The following CNTNAP5 variants were observed in gnomAD, a reference collection of about 807,000 sequenced individuals.
CNTNAP5 encodes the protein contactin associated protein family member 5.
CNTNAP5 carries 72 observed loss-of-function variants against 150.2 expected under a neutral mutation model. That is an observed-to-expected ratio of 0.48 (90% CI 0.40 to 0.58). The LOEUF (loss-of-function observed/expected upper bound fraction) is 0.58, where lower values mean the gene tolerates loss of function less well. Ranked by LOEUF, CNTNAP5 falls within the 20% of genes least tolerant of loss-of-function variation. CNTNAP5 has a pLI of 0.00. For synonymous variants in CNTNAP5, 672 were observed against 619.8 expected (o/e 1.08, Z -1.25); for missense variants, 1,636 against 1,626.2 (o/e 1.01, Z -0.10).
At chr2:124,283,994 G>A (rs1028002369) in intron 3 of CNTNAP5, among the ~76,000 whole-genome samples, 1 of 152,144 alleles carries the variant, frequency 6.6e-6, no homozygotes, top group African/African-American at 2.4e-5. Context: ...GACCATAGCA[G>A]GGGCTTTTCC....
At chr2:124,154,575 C>A (rs1227136934) in intron 1 of CNTNAP5, among the ~76,000 whole-genome samples, 1 of 152,120 alleles carries the variant, frequency 6.6e-6, no homozygotes, top group Non-Finnish European at 1.5e-5. Flanking sequence ...ACATGATGGA[C>A]AAAGAGACCT....
intron 12 of CNTNAP5, among the ~76,000 whole-genome samples, chr2:124,638,811 A>G (rs1242401830): frequency 6.6e-6 from 1 of 152,236 alleles, no homozygotes; most frequent in Non-Finnish European, 1.5e-5. Flanking sequence ...TCACTTTACA[A>G]TATACAGTGG....
At chr2:124,672,649 A>G (rs905213098) in intron 13 of CNTNAP5, among the ~76,000 whole-genome samples, 1 of 152,148 alleles carries the variant, frequency 6.6e-6, no homozygotes, top group Non-Finnish European at 1.5e-5. Flanking sequence ...ACTTTATAAA[A>G]CTGAAATTTA....
intron 19 of CNTNAP5, among the ~76,000 whole-genome samples, 158 bp downstream of exon 19, chr2:124,798,478 A>G (rs1208192681): frequency 6.6e-6 from 1 of 152,160 alleles, no homozygotes; most frequent in Non-Finnish European, 1.5e-5. Flanking sequence ...CTTTACCTTT[A>G]TGAGATGCAA....
At chr2:124,361,185 T>C (rs1259391115) in intron 3 of CNTNAP5, among the ~76,000 whole-genome samples, 1 of 147,310 alleles carries the variant, frequency 6.8e-6, no homozygotes, top group Non-Finnish European at 1.5e-5. Flanking sequence ...CTTCTCTGTA[T>C]TGGTTATTCT....
chr2:124,808,547 C>T (rs1255052134), intron 19 of CNTNAP5, among the ~76,000 whole-genome samples: 3 of 148,652 alleles, frequency 2.0e-5, no homozygotes, highest in Non-Finnish European at 3.0e-5. Context: ...AAGATTGCAC[C>T]AGGGCACTCC....
chr2:124,555,383 CTA>C (rs1405858080), intron 10 of CNTNAP5, among the ~76,000 whole-genome samples: 1 of 152,174 alleles, frequency 6.6e-6, no homozygotes, highest in Non-Finnish European at 1.5e-5. Flanking sequence ...ACTTTGGCCT[CTA>C]TGCGTGGAAG....
intron 23 of CNTNAP5, 94 bp downstream of exon 23, chr2:124,911,632 A>G: frequency 1.1e-6 from 1 of 921,218 alleles, no homozygotes; most frequent in East Asian, 2.7e-5. Flanking sequence ...ATGGCCATCC[A>G]GCACTCAGAG....
intron 1 of CNTNAP5, among the ~76,000 whole-genome samples, chr2:124,073,482 A>C (rs1010941680): frequency 6.6e-6 from 1 of 152,160 alleles, no homozygotes; most frequent in Non-Finnish European, 1.5e-5. Flanking sequence ...ATTAATAACC[A>C]GTACATATAA....
At chr2:124,786,090 T>C (rs1681561077) in intron 17 of CNTNAP5, among the ~76,000 whole-genome samples, 1 of 151,620 alleles carries the variant, frequency 6.6e-6, no homozygotes, top group African/African-American at 2.4e-5. Flanking sequence ...AATAAACAAA[T>C]AATAAAAATA....
At chr2:124,543,232 A>G (rs1695430707) in intron 10 of CNTNAP5, among the ~76,000 whole-genome samples, 1 of 152,188 alleles carries the variant, frequency 6.6e-6, no homozygotes. Flanking sequence ...ATAGCAATGT[A>G]TTTGAGCAAT....
intron 12 of CNTNAP5, among the ~76,000 whole-genome samples, chr2:124,632,836 A>G (rs1677892573): frequency 6.6e-6 from 1 of 152,134 alleles, no homozygotes; most frequent in South Asian, 2.1e-4. Context: ...GGGAGGCCTC[A>G]GAAAAGTTTC....
At chr2:124,335,527 A>G (rs527888268) in intron 3 of CNTNAP5, among the ~76,000 whole-genome samples, 1 of 151,048 alleles carries the variant, frequency 6.6e-6, no homozygotes, top group Non-Finnish European at 1.5e-5. Context: ...AAAGACAGGG[A>G]CAGAGCAAAA....
chr2:124,549,425 T>G (rs934930966), intron 10 of CNTNAP5, among the ~76,000 whole-genome samples: 2 of 152,204 alleles, frequency 1.3e-5, no homozygotes, highest in African/African-American at 4.8e-5. Flanking sequence ...TCAAATAAAA[T>G]TTTAGTTCTA....
intron 13 of CNTNAP5, among the ~76,000 whole-genome samples, chr2:124,663,788 G>A (rs1160368464): frequency 1.3e-5 from 2 of 152,108 alleles, no homozygotes; most frequent in African/African-American, 4.8e-5. Context: ...AAAAACAAGA[G>A]TCCATGATAA....
At chr2:124,430,985 G>A (rs945871780) in intron 4 of CNTNAP5, among the ~76,000 whole-genome samples, 7 of 152,122 alleles carry the variant, frequency 4.6e-5, no homozygotes, top group Non-Finnish European at 8.8e-5. Context: ...TTTGAAGGTA[G>A]GTTCCTATAA....
chr2:124,345,064 G>A (rs1184030461), intron 3 of CNTNAP5, among the ~76,000 whole-genome samples: 2 of 152,186 alleles, frequency 1.3e-5, no homozygotes, highest in Non-Finnish European at 2.9e-5. Context: ...GCCAGGTTTA[G>A]GGTATTAGTT....
At chr2:124,127,945 ACCATAAAAAC>A (rs1683750848) in intron 1 of CNTNAP5, among the ~76,000 whole-genome samples, 1 of 152,186 alleles carries the variant, frequency 6.6e-6, no homozygotes, top group African/African-American at 2.4e-5. Context: ...CAGACCTAAA[ACCATAAAAAC>A]CCTAGAAGAA....
chr2:124,362,316 G>C (rs562175069), intron 3 of CNTNAP5, among the ~76,000 whole-genome samples: 3 of 152,146 alleles, frequency 2.0e-5, no homozygotes, highest in Non-Finnish European at 4.4e-5. Context: ...ATTCCTATTC[G>C]ACCATCTTGG....
Sources: allele counts gnomAD v4.1 joint callset (sites outside exome capture counted in the v4.1 genomes callset), GRCh38; gene constraint gnomAD v4.1.1; transcripts MANE v1.5; gene names NCBI Gene and HGNC (gene_info 2026-07-23, HGNC 2026-07-21).